TKT: variants seen among roughly 807,000 people sequenced by gnomAD.
The protein encoded by TKT is epididymis luminal protein 107.
Under a neutral mutation model 63.9 loss-of-function variants are expected in TKT, and 47 were observed. The ratio of observed to expected loss-of-function variants is 0.74; its 90% CI spans 0.58 to 0.94. The LOEUF (loss-of-function observed/expected upper bound fraction) is 0.94. Among genes scored for constraint, TKT ranks in the 40% least tolerant of loss-of-function variants. The pLI, the probability that TKT is intolerant of heterozygous loss-of-function variation, is 0.00. For missense variants in TKT, 721 were observed against 846.2 expected, an observed-to-expected ratio of 0.85 and a Z score of 1.84; for synonymous variants, 338 against 334.1, an observed-to-expected ratio of 1.01 and a Z score of -0.13.
chr3:53,241,075 G>T, intron 3 of TKT, 57 bp downstream of exon 3: 1 of 1,435,692 alleles, frequency 7.0e-7, no homozygotes. Context: ...CGTCCCACAT[G>T]TCTGGGAAAT....
chr3:53,235,977 G>A (rs1171232785), intron 4 of TKT, among the ~76,000 whole-genome samples: 1 of 152,288 alleles, frequency 6.6e-6, no homozygotes, highest in Non-Finnish European at 1.5e-5. Context: ...GTAGCAGAGG[G>A]ACGGCAGCAA....
At chr3:53,228,235 C>T (rs369872526) in intron 11 of TKT, 41 bp downstream of exon 11, 31 of 1,613,718 alleles carry the variant, frequency 1.9e-5, no homozygotes, top group Non-Finnish European at 2.5e-5. Flanking sequence ...AGGGAGGGTC[C>T]AGGCAGCTCT....
intron 3 of TKT, 144 bp from the exon 4 acceptor site, chr3:53,240,492 A>T: frequency 1.6e-6 from 1 of 633,200 alleles, no homozygotes; most frequent in South Asian, 2.1e-5. Context: ...CTAGCATGTG[A>T]CTTCTTCTCC....
chr3:53,247,290 G>C (rs13091081), intron 1 of TKT, among the ~76,000 whole-genome samples: 3 of 148,658 alleles, frequency 2.0e-5, no homozygotes, highest in Non-Finnish European at 4.4e-5. Flanking sequence ...CTGGGAGGCA[G>C]AGGTTGCAGT....
intron 1 of TKT, among the ~76,000 whole-genome samples, chr3:53,250,704 G>A (rs931471949): frequency 6.6e-6 from 1 of 152,148 alleles, no homozygotes; most frequent in South Asian, 2.1e-4. Context: ...CCCAGGAGGC[G>A]GAGGCTGCAG....
chr3:53,229,440 G>A lies in TKT; in HGVS notation c.1108-4C>T. 1 of 1,600,396 alleles carries A rather than the reference G, an allele frequency of 6.2e-7. No individual in the cohort carries two copies. Among genetic ancestry groups the A allele is most frequent in the Non-Finnish European group, 8.5e-7 (1 of 1,173,892 alleles). ...CACAGCCCACCGCGATGCTCACCTG[G>A]GGGCAGGTGGGACAGGGTCAGCCCA... On this transcript the variant is annotated splice_polypyrimidine_tract_variant and splice_region_variant and intron_variant, in intron 8 of 13. Transcript: ENST00000462138.
Position 53,228,049 on chromosome 3 carries a change from T to C in TKT, c.1573+7A>G, listed in dbSNP as rs1553675953. 6.2e-7 allele frequency: 1 copy of C among 1,612,124 alleles called. No homozygotes were observed. Among genetic ancestry groups the C allele is most frequent in the Middle Eastern group, 2.2e-4 (1 of 4,554 alleles). On this transcript the variant is annotated splice_region_variant and intron_variant, in intron 12 of 13. Transcript: ENST00000462138. ...AGTTGATGACTTTGGAGGCCCCTTC[T>C]CCTCACCTTTCTTCAGCAGTTCGGC...
intron 6 of TKT, chr3:53,232,713 C>T (rs1704823586): frequency 5.0e-6 from 2 of 398,868 alleles, no homozygotes; most frequent in Non-Finnish European, 8.8e-6. Flanking sequence ...CAGCATCTGC[C>T]ATTGCTTGAG....
intron 1 of TKT, among the ~76,000 whole-genome samples, chr3:53,253,736 C>T (rs1705860319): frequency 6.6e-6 from 1 of 152,286 alleles, no homozygotes; most frequent in East Asian, 1.9e-4. Context: ...TGCACTCTAG[C>T]CTGGGCGATA....
intron 12 of TKT, 91 bp downstream of exon 12, chr3:53,227,965 A>G: frequency 8.8e-7 from 1 of 1,139,340 alleles, no homozygotes. Context: ...TGAGCTCTTC[A>G]AGAAAGAACA....
At chr3:53,254,005 C>T in intron 1 of TKT, among the ~76,000 whole-genome samples, 1 of 152,154 alleles carries the variant, frequency 6.6e-6, no homozygotes, top group East Asian at 1.9e-4. Context: ...GTGTTCCCGT[C>T]TATAAAATGT....
At chr3:53,241,954 C>G (rs976798694) in intron 2 of TKT, 171 bp downstream of exon 2, 3 of 637,030 alleles carry the variant, frequency 4.7e-6, no homozygotes, top group Non-Finnish European at 8.4e-6. Flanking sequence ...CCTTAGCCAG[C>G]TGGGTCAGCA....
At chr3:53,231,949 C>A in intron 6 of TKT, 1 of 262,620 alleles carries the variant, frequency 3.8e-6, no homozygotes, top group Non-Finnish European at 7.2e-6. Flanking sequence ...AGTTTGTCGA[C>A]TGGGTTGGAA....
chr3:53,230,897 A>G (rs540319171), intron 7 of TKT, among the ~76,000 whole-genome samples: 13 of 152,354 alleles, frequency 8.5e-5, no homozygotes, highest in African/African-American at 3.1e-4. Flanking sequence ...CACCAGGTCC[A>G]TGAACCTATT....
At position 53,230,442 on chromosome 3, in the gene TKT, G is replaced by A. The variant is rs200388751; in HGVS notation, c.1107+15C>T. On this transcript the variant is annotated intron_variant, in intron 8 of 13. Transcript: ENST00000462138. ...AGCCTTGGGTGGACCTGTCCCTGCCGGCCCCAGCACCTACCATGTTCTGCT... is the reference window on the plus strand; with the variant it reads ...AGCCTTGGGTGGACCTGTCCCTGCCAGCCCCAGCACCTACCATGTTCTGCT... 250 of 1,614,086 alleles carry A rather than the reference G, an allele frequency of 1.5e-4. No individual in the cohort carries two copies. The highest frequency in any genetic ancestry group is 2.2e-4 in the Admixed American group (13 of 60,032).
At chr3:53,250,099 C>T (rs1267418583) in intron 1 of TKT, among the ~76,000 whole-genome samples, 4 of 152,188 alleles carry the variant, frequency 2.6e-5, no homozygotes, top group African/African-American at 9.7e-5. Context: ...GAGGAGAGGT[C>T]ACTCGGGCAG....
intron 1 of TKT, among the ~76,000 whole-genome samples, chr3:53,245,369 T>C (rs1170618100): frequency 6.6e-6 from 1 of 150,806 alleles, no homozygotes; most frequent in Non-Finnish European, 1.5e-5. Context: ...TTCTTCCAGA[T>C]GTCCCCTGGC....
At chr3:53,249,173 G>C (rs1559659846) in intron 1 of TKT, among the ~76,000 whole-genome samples, 1 of 234 alleles carries the variant, frequency 4.3e-3, no homozygotes, top group Non-Finnish European at 0.013. Flanking sequence ...GTTTCACCAT[G>C]TTGGCTGGGC....
rs1466523229 is a variant in TKT, at chr3:53,240,280, G to C, written c.408C>G (p.Ala136=). The change falls in exon 4 of 14, where the codon GCC becomes GCG. Residue 136 remains alanine (A), a synonymous_variant. Coordinates refer to ENST00000462138, the MANE Select transcript of TKT (RefSeq NM_001064.4). ...CCTTGTCGAAGTATTTGCCGGTGTA[G>C]GCCATCCCACAAGCGGCCCCGAGGC... ...GQGLGAACGM[A]YTGKYFDKAS... The C allele has an allele frequency of 1.9e-6, 3 of 1,613,386 alleles. No homozygotes were observed. The highest frequency in any genetic ancestry group is 2.2e-5 in the South Asian group (2 of 91,022).
Sources: allele counts gnomAD v4.1 joint callset (sites outside exome capture counted in the v4.1 genomes callset), GRCh38; gene constraint gnomAD v4.1.1; transcripts MANE v1.5; gene names NCBI Gene and HGNC (gene_info 2026-07-23, HGNC 2026-07-21).